Variants in PLCB1 observed in about 807,000 individuals in gnomAD.
The protein encoded by PLCB1 is 1-phosphatidylinositol 4,5-bisphosphate phosphodiesterase beta-1.
PLCB1 carries 46 observed loss-of-function variants against 161.8 expected under a neutral mutation model. The ratio of observed to expected loss-of-function variants is 0.28; its 90% CI spans 0.22 to 0.36. The LOEUF is 0.36. PLCB1 is among the 10% of genes least tolerant of loss of function. The pLI is 1.00. For synonymous variants in PLCB1, 517 were observed against 503.7 expected, an observed-to-expected ratio of 1.03 and a Z score of -0.35; for missense variants, 1,016 against 1,472.5, an observed-to-expected ratio of 0.69 and a Z score of 5.07.
intron 3 of PLCB1, among the ~76,000 whole-genome samples, chr20:8,563,483 T>A (rs1401358245): frequency 6.6e-6 from 1 of 151,938 alleles, no homozygotes; most frequent in Non-Finnish European, 1.5e-5. Context: ...GCTGATGCGG[T>A]TCAGAGAAGT....
At chr20:8,620,747 CAAA>C (rs779029928) in intron 3 of PLCB1, among the ~76,000 whole-genome samples, 3 of 75,238 alleles carry the variant, frequency 4.0e-5, no homozygotes, top group African/African-American at 1.1e-4. Context: ...CTGCCCCCAC[CAAA>C]AAAAAAAAAA....
intron 2 of PLCB1, among the ~76,000 whole-genome samples, chr20:8,335,934 T>C (rs899979087): frequency 3.9e-4 from 59 of 151,104 alleles, no homozygotes; most frequent in African/African-American, 1.4e-3. Flanking sequence ...CAGGGAGGAT[T>C]TGGGTTCTGG....
intron 3 of PLCB1, among the ~76,000 whole-genome samples, chr20:8,555,886 C>G (rs918520861): frequency 1.3e-5 from 2 of 151,984 alleles, no homozygotes; most frequent in African/African-American, 4.8e-5. Flanking sequence ...TCAATTTTTT[C>G]TATTCCACAA....
intron 3 of PLCB1, among the ~76,000 whole-genome samples, chr20:8,378,200 T>G (rs1213369929): frequency 3.9e-5 from 6 of 152,180 alleles, no homozygotes; most frequent in African/African-American, 1.2e-4. Context: ...TTTTGACACA[T>G]GCTACAACCT....
chr20:8,728,965 G>C, intron 17 of PLCB1, 85 bp from the exon 18 acceptor site: 1 of 890,162 alleles, frequency 1.1e-6, no homozygotes, highest in Non-Finnish European at 1.6e-6. Context: ...TTTCCAAATG[G>C]AGAAAGATGG....
chr20:8,685,971 C>T (rs944934580), intron 10 of PLCB1, among the ~76,000 whole-genome samples: 1 of 151,796 alleles, frequency 6.6e-6, no homozygotes, highest in African/African-American at 2.4e-5. Flanking sequence ...AAATTAAGTA[C>T]CTAGAATTAA....
intron 31 of PLCB1, among the ~76,000 whole-genome samples, chr20:8,846,606 G>A (rs1986699531): frequency 6.6e-6 from 1 of 152,144 alleles, no homozygotes. Flanking sequence ...ACTTTGAGTA[G>A]GAAGATTCTA....
intron 25 of PLCB1, among the ~76,000 whole-genome samples, chr20:8,761,933 G>T (rs1426220547): frequency 5.3e-5 from 8 of 151,456 alleles, no homozygotes; most frequent in African/African-American, 1.7e-4. Flanking sequence ...TCTAGGCTGG[G>T]TGTGGTGGCT....
At chr20:8,302,003 G>A (rs951797085) in intron 2 of PLCB1, among the ~76,000 whole-genome samples, 7 of 152,060 alleles carry the variant, frequency 4.6e-5, no homozygotes, top group African/African-American at 1.7e-4. Context: ...AATTGATATC[G>A]GCAACTAACT....
intron 2 of PLCB1, among the ~76,000 whole-genome samples, chr20:8,196,426 A>G (rs779626591): frequency 6.6e-6 from 1 of 152,020 alleles, no homozygotes; most frequent in African/African-American, 2.4e-5. Flanking sequence ...AGAAAGAAAG[A>G]TGGGATTACT....
intron 31 of PLCB1, among the ~76,000 whole-genome samples, chr20:8,819,419 T>G (rs1385399559): frequency 2.6e-5 from 4 of 152,196 alleles, no homozygotes; most frequent in African/African-American, 9.7e-5. Flanking sequence ...CTTTAGAATA[T>G]TATGTAGAAT....
intron 2 of PLCB1, among the ~76,000 whole-genome samples, chr20:8,201,489 A>G (rs73895598): frequency 0.017 from 2,545 of 152,276 alleles, 64 homozygotes; most frequent in African/African-American, 0.057. Context: ...GGGGTGCCCA[A>G]GAGAACTGCT....
chr20:8,685,494 C>T (rs1036184145), intron 10 of PLCB1, among the ~76,000 whole-genome samples: 3 of 148,166 alleles, frequency 2.0e-5, no homozygotes, highest in African/African-American at 5.0e-5. Flanking sequence ...GACGGCGAGG[C>T]GGGCGGATCA....
At chr20:8,536,722 C>T (rs1424776377) in intron 3 of PLCB1, among the ~76,000 whole-genome samples, 1 of 152,172 alleles carries the variant, frequency 6.6e-6, no homozygotes, top group Non-Finnish European at 1.5e-5. Context: ...TGCCAGTCCT[C>T]TTAACAACTA....
chr20:8,548,399 C>T (rs1600145388), intron 3 of PLCB1, among the ~76,000 whole-genome samples: 1 of 142,786 alleles, frequency 7.0e-6, no homozygotes, highest in Admixed American at 7.2e-5. Context: ...CCTTCCCTTC[C>T]CCTCCCTCCC....
At chr20:8,332,438 A>T (rs953496228) in intron 2 of PLCB1, among the ~76,000 whole-genome samples, 1 of 152,250 alleles carries the variant, frequency 6.6e-6, no homozygotes, top group Non-Finnish European at 1.5e-5. Context: ...CTGTAAATGT[A>T]TAGATTAAGT....
chr20:8,439,860 G>C (rs1980477313), intron 3 of PLCB1, among the ~76,000 whole-genome samples: 1 of 150,148 alleles, frequency 6.7e-6, no homozygotes, highest in Non-Finnish European at 1.5e-5. Flanking sequence ...AATTTTAAAA[G>C]CTTTCTTTGA....
chr20:8,468,782 TTTAA>T (rs1193483905), intron 3 of PLCB1, among the ~76,000 whole-genome samples: 2 of 152,200 alleles, frequency 1.3e-5, no homozygotes, highest in Admixed American at 6.5e-5. Flanking sequence ...CATTATCTAA[TTTAA>T]TTATTCACAA....
intron 3 of PLCB1, among the ~76,000 whole-genome samples, chr20:8,402,705 C>T (rs967438729): frequency 1.3e-5 from 2 of 150,702 alleles, no homozygotes; most frequent in East Asian, 2.0e-4. Flanking sequence ...ATTAGCCAGG[C>T]GTGGTGGTGG....
Sources: allele counts gnomAD v4.1 joint callset (sites outside exome capture counted in the v4.1 genomes callset), GRCh38; gene constraint gnomAD v4.1.1; transcripts MANE v1.5; gene names NCBI Gene and HGNC (gene_info 2026-07-23, HGNC 2026-07-21).